The following MICU1 variants were observed in gnomAD, a reference collection of about 807,000 sequenced individuals.
MICU1 encodes the protein calcium uptake protein 1, mitochondrial.
Under a neutral mutation model 56.8 loss-of-function variants are expected in MICU1, and 45 were observed. That is an observed-to-expected ratio of 0.79 (90% CI 0.62 to 1.02). The LOEUF (loss-of-function observed/expected upper bound fraction) is 1.02. Among genes scored for constraint, MICU1 ranks in the 50% least tolerant of loss-of-function variants. The pLI is 0.00. For missense variants in MICU1, 504 were observed against 587.1 expected (o/e 0.86, Z 1.46); for synonymous variants, 186 against 195.1 (o/e 0.95, Z 0.39).
chr10:72,393,970 T>C (rs576326986), intron 10 of MICU1, among the ~76,000 whole-genome samples: 188 of 152,310 alleles, frequency 1.2e-3, no homozygotes, highest in Middle Eastern at 3.4e-3. Context: ...GGTTTCACCA[T>C]GTTGGCCAGG....
At chr10:72,559,760 C>T (rs972268407) in intron 3 of MICU1, among the ~76,000 whole-genome samples, 2 of 152,134 alleles carry the variant, frequency 1.3e-5, no homozygotes, top group Non-Finnish European at 2.9e-5. Context: ...GGGACCCCAG[C>T]CCTGGGCCGT....
At chr10:72,463,449 A>G (rs185434633) in intron 8 of MICU1, among the ~76,000 whole-genome samples, 6 of 152,340 alleles carry the variant, frequency 3.9e-5, no homozygotes, top group East Asian at 1.9e-4. Flanking sequence ...TTTAAGCTAC[A>G]AAGTGTCACT....
chr10:72,423,343 C>T lies in MICU1; in HGVS notation c.962G>A (p.Arg321Lys). The change falls in exon 9 of 12, where the codon AGA becomes AAA. Residue 321 changes from arginine (R) to lysine (K), a missense_variant. Coordinates refer to ENST00000361114, the MANE Select transcript of MICU1 (RefSeq NM_001195518.2). Reference sequence around the variant, plus strand: ...GCCACCAAACTGCCTCTCAGTAATTCTCCCATCCACAGGGTCATGGCGTTC... The same window carrying T: ...GCCACCAAACTGCCTCTCAGTAATTTTCCCATCCACAGGGTCATGGCGTTC... ...EFERHDPVDGRITERQFGGML... is the reference protein window; with the variant it reads ...EFERHDPVDGKITERQFGGML... 6.2e-7 allele frequency: 1 copy of T among 1,613,914 alleles called. No homozygotes were observed. The highest frequency in any genetic ancestry group is 8.5e-7 in the Non-Finnish European group (1 of 1,179,854).
At chr10:72,491,120 A>G (rs191549237) in intron 6 of MICU1, among the ~76,000 whole-genome samples, 1 of 152,190 alleles carries the variant, frequency 6.6e-6, no homozygotes, top group African/African-American at 2.4e-5. Context: ...TGTGAGACCA[A>G]TGTGGTCAAG....
chr10:72,609,804 G>A (rs1232855489), intron 1 of MICU1, among the ~76,000 whole-genome samples: 3 of 150,944 alleles, frequency 2.0e-5, no homozygotes. Context: ...GGGAGGCCTA[G>A]GTGGGTGGAT....
At chr10:72,442,977 G>A (rs574645833) in intron 8 of MICU1, among the ~76,000 whole-genome samples, 55 of 152,184 alleles carry the variant, frequency 3.6e-4, no homozygotes, top group Non-Finnish European at 1.5e-4. Flanking sequence ...GGCTGGTCTC[G>A]AACTACTGAC....
At chr10:72,381,846 T>C (rs1267317410) in intron 10 of MICU1, among the ~76,000 whole-genome samples, 1 of 152,046 alleles carries the variant, frequency 6.6e-6, no homozygotes, top group African/African-American at 2.4e-5. Context: ...CCCCATCACA[T>C]CTTTTCCACA....
intron 1 of MICU1, among the ~76,000 whole-genome samples, chr10:72,568,411 T>C (rs1441923969): frequency 1.3e-5 from 2 of 152,216 alleles, no homozygotes; most frequent in Non-Finnish European, 2.9e-5. Flanking sequence ...TGTCTTGCCA[T>C]ATGTCTTGCT....
chr10:72,596,516 G>A (rs1841385844), intron 1 of MICU1, among the ~76,000 whole-genome samples: 1 of 152,090 alleles, frequency 6.6e-6, no homozygotes, highest in African/African-American at 2.4e-5. Flanking sequence ...ACTTAAAAAT[G>A]ATTAAGACAA....
chr10:72,615,968 G>A (rs1048729993), intron 1 of MICU1, among the ~76,000 whole-genome samples: 1 of 151,718 alleles, frequency 6.6e-6, no homozygotes, highest in South Asian at 2.1e-4. Context: ...CAGCCTGGGC[G>A]ACAGAGCGAG....
chr10:72,564,467 A>C lies in MICU1; in HGVS notation c.162-1404T>G, dbSNP rs148797914. On this transcript the variant is annotated intron_variant, in intron 2 of 11. Transcript: ENST00000361114. Reference sequence around the variant, plus strand: ...GGCAGGAGAATGTCTTGAACCCAGGAGGCAGAGGTTGCAGTGAGCCGAGAT... The same window carrying C: ...GGCAGGAGAATGTCTTGAACCCAGGCGGCAGAGGTTGCAGTGAGCCGAGAT... Among the ~76,000 whole-genome samples the C allele has an allele frequency of 4.3e-3, 626 of 145,192 alleles. 5 individuals are homozygous for C. Among genetic ancestry groups the C allele is most frequent in the African/African-American group, 0.014 (561 of 39,802 alleles).
rs1840446718 is a variant in MICU1 at position 72,566,635 on chromosome 10, C to G, written c.159G>C (p.Lys53Asn). ...CAAGATGGTTGGATAACACTCACCT[C>G]TTCCACAAAAGACCAGTACTTGCAG... Reference protein sequence around the residue: ...AVTASTGLLWKRAHAESPPCV... With the variant: ...AVTASTGLLWNRAHAESPPCV... Residue 53 changes from lysine (K) to asparagine (N), a missense_variant and splice_region_variant, in exon 2 of 12, where the codon AAG (lysine) becomes AAC (asparagine). By Grantham distance (94) the Lys-to-Asn change is moderately conservative. Coordinates refer to ENST00000361114, the MANE Select transcript of MICU1 (RefSeq NM_001195518.2). 2 of 1,611,612 alleles carry G rather than the reference C, an allele frequency of 1.2e-6. No homozygotes were observed. Among genetic ancestry groups the G allele is most frequent in the Non-Finnish European group, 1.7e-6 (2 of 1,178,902 alleles).
intron 1 of MICU1, among the ~76,000 whole-genome samples, chr10:72,576,297 C>CTATT (rs1840744223): frequency 6.8e-6 from 1 of 148,080 alleles, no homozygotes; most frequent in African/African-American, 2.5e-5. Flanking sequence ...AGCCAAAGGC[C>CTATT]AAGATAGGCC....
At chr10:72,489,900 T>C (rs1866597784) in intron 6 of MICU1, among the ~76,000 whole-genome samples, 1 of 152,234 alleles carries the variant, frequency 6.6e-6, no homozygotes, top group Non-Finnish European at 1.5e-5. Flanking sequence ...GGAGATACGG[T>C]GTATATAAAT....
chr10:72,544,864 C>T (rs749596822), intron 4 of MICU1, among the ~76,000 whole-genome samples: 1 of 152,206 alleles, frequency 6.6e-6, no homozygotes, highest in Non-Finnish European at 1.5e-5. Context: ...TCATCTTGCA[C>T]TCTAAAGTTC....
At chr10:72,463,611 C>T (rs1196619287) in intron 8 of MICU1, among the ~76,000 whole-genome samples, 1 of 152,184 alleles carries the variant, frequency 6.6e-6, no homozygotes, top group Non-Finnish European at 1.5e-5. Context: ...CAGTCATGTG[C>T]TGCATAAGGA....
At position 72,406,913 on chromosome 10, in the gene MICU1, C is replaced by G. The variant is rs187106008; in HGVS notation, c.1180+1016G>C. On this transcript the variant is annotated intron_variant, in intron 10 of 11. Transcript: ENST00000361114. ...AAGTGTTCGGATTACAGGCATGAACCACCATGCCTGACTATATTCATACAA... is the reference window on the plus strand; with the variant it reads ...AAGTGTTCGGATTACAGGCATGAACGACCATGCCTGACTATATTCATACAA... Among the ~76,000 whole-genome samples the G allele has an allele frequency of 6.4e-4, 98 of 152,294 alleles. 1 individual carries two copies. Among genetic ancestry groups the G allele is most frequent in the African/African-American group, 2.2e-3 (91 of 41,558 alleles).
At chr10:72,602,834 G>C (rs572946368) in intron 1 of MICU1, among the ~76,000 whole-genome samples, 1 of 152,308 alleles carries the variant, frequency 6.6e-6, no homozygotes, top group South Asian at 2.1e-4. Context: ...GCAGCCAGGC[G>C]CGGTGGCTCA....
intron 4 of MICU1, among the ~76,000 whole-genome samples, chr10:72,540,701 A>G (rs75517208): frequency 0.036 from 5,429 of 152,232 alleles, 307 homozygotes; most frequent in African/African-American, 0.12. Context: ...AAAAACTGGC[A>G]TGGTAGATTA....
Sources: gnomAD v4.1 joint callset for allele counts (sites outside exome capture counted in the v4.1 genomes callset) on GRCh38, gnomAD v4.1.1 for gene constraint, MANE v1.5 for transcripts, NCBI Gene and HGNC (gene_info 2026-07-23, HGNC 2026-07-21) for gene names.